Variants in KIAA0825 observed in about 807,000 individuals in gnomAD.
KIAA0825 encodes KIAA0825, also known as uncharacterized protein KIAA0825.
KIAA0825 carries 119 observed loss-of-function variants against 147.6 expected under a neutral mutation model. The ratio of observed to expected loss-of-function variants is 0.81; its 90% CI spans 0.69 to 0.94. The LOEUF (loss-of-function observed/expected upper bound fraction) is 0.94, where lower values mean the gene tolerates loss of function less well. Among genes scored for constraint, KIAA0825 ranks in the 40% least tolerant of loss-of-function variants. The probability of loss-of-function intolerance (pLI) is 0.00; values close to 1 mark genes in which losing one functional copy is unlikely to be tolerated. For missense variants in KIAA0825, 1,381 were observed against 1,472.7 expected (o/e 0.94, Z 1.02); for synonymous variants, 470 against 518.1 (o/e 0.91, Z 1.26).
chr5:94,289,884 A>C (rs1369921477), intron 20 of KIAA0825, among the ~76,000 whole-genome samples: 1 of 151,892 alleles, frequency 6.6e-6, no homozygotes, highest in Non-Finnish European at 1.5e-5. Flanking sequence ...TACTAAAAAT[A>C]AATATTTTTA....
chr5:94,551,460 G>A (rs988131043), intron 2 of KIAA0825, among the ~76,000 whole-genome samples: 1 of 151,888 alleles, frequency 6.6e-6, no homozygotes, highest in Non-Finnish European at 1.5e-5. Flanking sequence ...TTCTAAAAAC[G>A]GCAAGAGAAA....
At chr5:94,563,339 C>G (rs1341407619) in intron 2 of KIAA0825, among the ~76,000 whole-genome samples, 1 of 146,416 alleles carries the variant, frequency 6.8e-6, no homozygotes, top group African/African-American at 2.5e-5. Context: ...GCCTGGGCAA[C>G]AGAGTAAGAC....
intron 20 of KIAA0825, among the ~76,000 whole-genome samples, chr5:94,356,989 C>T (rs1376149559): frequency 1.3e-5 from 2 of 152,124 alleles, no homozygotes; most frequent in South Asian, 2.1e-4. Context: ...TCCCAAAGTG[C>T]TGGGATTACA....
intron 1 of KIAA0825, chr5:94,594,765 C>A: frequency 3.3e-6 from 2 of 599,956 alleles, no homozygotes; most frequent in Non-Finnish European, 3.2e-6. Flanking sequence ...CCTGAGAGAA[C>A]ATGCATTTAG....
intron 14 of KIAA0825, among the ~76,000 whole-genome samples, chr5:94,420,073 G>T (rs377298662): frequency 3.9e-5 from 6 of 151,974 alleles, no homozygotes; most frequent in Non-Finnish European, 8.8e-5. Flanking sequence ...AGATCAAGGT[G>T]GGGGGTACTT....
At chr5:94,311,223 T>A (rs1327254461) in intron 20 of KIAA0825, among the ~76,000 whole-genome samples, 1 of 151,336 alleles carries the variant, frequency 6.6e-6, no homozygotes, top group Non-Finnish European at 1.5e-5. Context: ...TTGTTTTGTT[T>A]TTGGATTTTT....
At chr5:94,581,653 C>G (rs1241289183) in intron 2 of KIAA0825, among the ~76,000 whole-genome samples, 1 of 152,034 alleles carries the variant, frequency 6.6e-6, no homozygotes, top group Non-Finnish European at 1.5e-5. Context: ...TGTGTCACAA[C>G]CTTAATATTA....
chr5:94,209,531 G>T (rs1033091885), intron 20 of KIAA0825, among the ~76,000 whole-genome samples: 4 of 152,160 alleles, frequency 2.6e-5, no homozygotes, highest in African/African-American at 9.7e-5. Flanking sequence ...ACCTGTCAGT[G>T]TTAAGTTGAA....
At chr5:94,268,623 C>T (rs1187500936) in intron 20 of KIAA0825, among the ~76,000 whole-genome samples, 1 of 152,112 alleles carries the variant, frequency 6.6e-6, no homozygotes, top group Non-Finnish European at 1.5e-5. Context: ...AAAGGAGAAT[C>T]TTTAGAATGT....
At chr5:94,422,837 A>T (rs913744906) in intron 14 of KIAA0825, among the ~76,000 whole-genome samples, 1 of 152,186 alleles carries the variant, frequency 6.6e-6, no homozygotes, top group African/African-American at 2.4e-5. Context: ...ATTTTACCTA[A>T]GACGTGTTTT....
At chr5:94,332,160 C>CA (rs34035583) in intron 20 of KIAA0825, among the ~76,000 whole-genome samples, 9,174 of 93,622 alleles carry the variant, frequency 0.098, 482 homozygotes, top group Non-Finnish European at 0.14. Context: ...GACTCCATCT[C>CA]AAAAAAAAAA....
At chr5:94,350,625 CA>C (rs1162736271) in intron 20 of KIAA0825, among the ~76,000 whole-genome samples, 1 of 152,160 alleles carries the variant, frequency 6.6e-6, no homozygotes, top group African/African-American at 2.4e-5. Flanking sequence ...GATGGTTTAA[CA>C]TACACAAGTC....
At chr5:94,409,516 G>A (rs979543103) in intron 15 of KIAA0825, among the ~76,000 whole-genome samples, 13 of 151,902 alleles carry the variant, frequency 8.6e-5, no homozygotes, top group East Asian at 1.9e-4. Context: ...CCAAAGAGAC[G>A]GATCTACATA....
intron 13 of KIAA0825, among the ~76,000 whole-genome samples, chr5:94,449,227 A>C (rs1311760659): frequency 6.6e-6 from 1 of 151,962 alleles, no homozygotes; most frequent in Non-Finnish European, 1.5e-5. Context: ...AGCAGAGAAA[A>C]CTCTCCAGGA....
chr5:94,612,353 C>A (rs1789066581), intron 1 of KIAA0825, among the ~76,000 whole-genome samples: 1 of 152,180 alleles, frequency 6.6e-6, no homozygotes, highest in Non-Finnish European at 1.5e-5. Flanking sequence ...TGGGATTCCT[C>A]TAATACATGA....
chr5:94,606,587 C>T (rs776077728), intron 1 of KIAA0825, among the ~76,000 whole-genome samples: 7 of 151,954 alleles, frequency 4.6e-5, no homozygotes, highest in African/African-American at 9.7e-5. Context: ...AATAGGGAGC[C>T]CATATCAGAA....
At chr5:94,563,476 A>G (rs17083807) in intron 2 of KIAA0825, among the ~76,000 whole-genome samples, 12,940 of 152,274 alleles carry the variant, frequency 0.085, 588 homozygotes, top group South Asian at 0.11. Context: ...AGTCCACTCA[A>G]TATAGATCAA....
intron 20 of KIAA0825, among the ~76,000 whole-genome samples, chr5:94,338,668 T>C (rs1782055710): frequency 6.6e-6 from 1 of 152,192 alleles, no homozygotes. Flanking sequence ...ACACATGCTG[T>C]ACAGGTTTGT....
At chr5:94,293,060 C>A (rs1190715122) in intron 20 of KIAA0825, among the ~76,000 whole-genome samples, 1 of 149,166 alleles carries the variant, frequency 6.7e-6, no homozygotes, top group Non-Finnish European at 1.5e-5. Context: ...TAAAAAAAAA[C>A]AGCTCCTGGA....
Sources: gnomAD v4.1 joint callset for allele counts (sites outside exome capture counted in the v4.1 genomes callset) on GRCh38, gnomAD v4.1.1 for gene constraint, MANE v1.5 for transcripts, NCBI Gene and HGNC (gene_info 2026-07-23, HGNC 2026-07-21) for gene names.